Variants in JMJD1C observed in about 807,000 individuals in gnomAD.
JMJD1C encodes the protein jumonji domain containing 1C, also known as jumonji domain-containing protein 1C.
In JMJD1C, 31 loss-of-function variants were observed where a neutral mutation model predicts 245.3. The ratio of observed to expected loss-of-function variants is 0.13; its 90% CI spans 0.09 to 0.17. JMJD1C has a LOEUF of 0.17. Among genes scored for constraint, JMJD1C ranks in the 10% least tolerant of loss-of-function variants. The pLI, the probability that JMJD1C is intolerant of heterozygous loss-of-function variation, is 1.00. For missense variants in JMJD1C, 2,691 were observed against 3,000.2 expected (o/e 0.90, Z 2.41); for synonymous variants, 1,057 against 1,017.4 (o/e 1.04, Z -0.74).
chr10:63,511,569 G>C (rs1401893425), intron 1 of JMJD1C, among the ~76,000 whole-genome samples: 1 of 152,130 alleles, frequency 6.6e-6, no homozygotes, highest in Non-Finnish European at 1.5e-5. Context: ...AATTAGCCGG[G>C]CGCAGTGGCA....
intron 3 of JMJD1C, among the ~76,000 whole-genome samples, chr10:63,231,605 G>A (rs752450194): frequency 2.1e-4 from 32 of 151,992 alleles, no homozygotes; most frequent in Non-Finnish European, 4.3e-4. Flanking sequence ...ATCAGCCTGA[G>A]CAACATGGTG....
chr10:63,202,720 T>C (rs1846164735), intron 10 of JMJD1C: 1 of 985,310 alleles, frequency 1.0e-6, no homozygotes, highest in African/African-American at 1.7e-5. Context: ...TAAACCCATT[T>C]CCAGAAGACT....
At chr10:63,513,724 A>G (rs981347079) in intron 1 of JMJD1C, among the ~76,000 whole-genome samples, 2 of 152,100 alleles carry the variant, frequency 1.3e-5, no homozygotes, top group African/African-American at 2.4e-5. Context: ...CATCCTGGCT[A>G]ACACAGGGAA....
chr10:63,213,723 A>C lies in JMJD1C; in HGVS notation c.2444T>G (p.Leu815Arg), dbSNP rs1847638584. The C allele has an allele frequency of 6.2e-7, 1 of 1,614,194 alleles. No homozygotes were observed. Among genetic ancestry groups the C allele is most frequent in the Non-Finnish European group, 8.5e-7 (1 of 1,180,016 alleles). ...CAAGCTGCTGGCATGAGCACTCTCT[A>C]GTCGTGGGTGGCCACCAAGTAAGGA... Reference protein sequence around the residue: ...TASLLGGHPRLESAHASSLSH... With the variant: ...TASLLGGHPRRESAHASSLSH... The change falls in exon 8 of 26, where the codon CTA becomes CGA. Residue 815 changes from leucine to arginine, a missense_variant. Transcript: ENST00000399262.
intron 2 of JMJD1C, among the ~76,000 whole-genome samples, chr10:63,348,906 G>A (rs975426330): frequency 1.3e-5 from 2 of 151,890 alleles, no homozygotes; most frequent in Non-Finnish European, 2.9e-5. Flanking sequence ...TTTGGGATCA[G>A]CCTGGCCAAC....
intron 2 of JMJD1C, among the ~76,000 whole-genome samples, chr10:63,297,250 CT>C (rs1235041296): frequency 1.3e-5 from 2 of 152,320 alleles, no homozygotes; most frequent in East Asian, 3.9e-4. Context: ...AGAGAACTTC[CT>C]TGATGCCTTT....
In JMJD1C at chr10:63,314,498, T is replaced by C. The variant is rs752530144; in HGVS notation, c.334-49734A>G. On this transcript the variant is annotated intron_variant, in intron 2 of 25. Transcript: ENST00000399262. ...TCACCTGAGCAAGGGAAGTCGAGGC[T>C]ACAGCAAGCTGTGATCATGCCACTA... Among the ~76,000 whole-genome samples, 104 of 152,336 alleles carry C rather than the reference T, an allele frequency of 6.8e-4. 1 individual carries two copies. Among genetic ancestry groups the C allele is most frequent in the Non-Finnish European group, 1.0e-3 (70 of 68,028 alleles).
chr10:63,240,006 G>A (rs1339142330), intron 3 of JMJD1C, among the ~76,000 whole-genome samples: 2 of 151,996 alleles, frequency 1.3e-5, no homozygotes, highest in Admixed American at 6.5e-5. Context: ...TTATTACATT[G>A]TATATCACAC....
At chr10:63,472,128 TG>T (rs1554948824) in intron 1 of JMJD1C, among the ~76,000 whole-genome samples, 1 of 152,130 alleles carries the variant, frequency 6.6e-6, no homozygotes, top group Non-Finnish European at 1.5e-5. Context: ...AATAAACTTT[TG>T]AATTGACACT....
intron 1 of JMJD1C, among the ~76,000 whole-genome samples, chr10:63,385,148 A>G (rs1947488446): frequency 6.6e-6 from 1 of 152,144 alleles, no homozygotes; most frequent in Admixed American, 6.5e-5. Context: ...AGCAGTCAGA[A>G]CACACATAGT....
intron 14 of JMJD1C, among the ~76,000 whole-genome samples, chr10:63,193,917 T>C (rs1045018386): frequency 1.3e-5 from 2 of 152,210 alleles, no homozygotes; most frequent in African/African-American, 4.8e-5. Flanking sequence ...CCGCCGGCCT[T>C]GGCCTCCCAA....
At chr10:63,424,253 GAC>G (rs1950299089) in intron 1 of JMJD1C, among the ~76,000 whole-genome samples, 1 of 146,584 alleles carries the variant, frequency 6.8e-6, no homozygotes, top group Non-Finnish European at 1.5e-5. Context: ...TTTAAGTAGA[GAC>G]AGTGTCTCGC....
chr10:63,279,231 A>C (rs1857147515), intron 2 of JMJD1C, among the ~76,000 whole-genome samples: 1 of 152,174 alleles, frequency 6.6e-6, no homozygotes. Flanking sequence ...GCCTGGGCAA[A>C]AGAGCAAAAA....
intron 2 of JMJD1C, among the ~76,000 whole-genome samples, chr10:63,278,901 G>C (rs536121464): frequency 1.3e-5 from 2 of 151,558 alleles, no homozygotes; most frequent in South Asian, 4.2e-4. Flanking sequence ...ATTCATTTCT[G>C]GTCTTATATA....
intron 1 of JMJD1C, among the ~76,000 whole-genome samples, chr10:63,493,488 T>G (rs6479904): frequency 0.98 from 149,730 of 152,082 alleles, 73,748 homozygotes; most frequent in Middle Eastern, 1. Context: ...CACCATGTTG[T>G]CTAGGCTAGT....
At chr10:63,257,226 C>CA (rs71025139) in intron 3 of JMJD1C, among the ~76,000 whole-genome samples, 1,245 of 92,516 alleles carry the variant, frequency 0.013, 26 homozygotes, top group Admixed American at 0.044. Flanking sequence ...GACTTCATCT[C>CA]AAAAAAAAAA....
At chr10:63,521,026 G>C (rs1955202773) in intron 1 of JMJD1C, among the ~76,000 whole-genome samples, 2 of 152,194 alleles carry the variant, frequency 1.3e-5, no homozygotes, top group Non-Finnish European at 2.9e-5. Context: ...ATTGGACACC[G>C]AGTTCCTGCG....
In JMJD1C at chr10:63,332,132, C is replaced by T. The variant is rs909556132; in HGVS notation, c.333+48186G>A. On this transcript the variant is annotated intron_variant, in intron 2 of 25. Coordinates refer to ENST00000399262, the MANE Select transcript of JMJD1C (RefSeq NM_032776.3). ...ATTTACCCTAACTAAAAAACAAAACCAAACTCTATATTAACATTGACTAGA... is the reference window on the plus strand; with the variant it reads ...ATTTACCCTAACTAAAAAACAAAACTAAACTCTATATTAACATTGACTAGA... Among the ~76,000 whole-genome samples the T allele has an allele frequency of 2.0e-5, 3 of 152,048 alleles. No homozygotes were observed. The East Asian group carries it at 5.8e-4, about 29-fold the overall frequency.
chr10:63,261,399 G>A (rs1368728278), intron 3 of JMJD1C, among the ~76,000 whole-genome samples: 1 of 152,024 alleles, frequency 6.6e-6, no homozygotes, highest in East Asian at 1.9e-4. Flanking sequence ...TGGTCAACAT[G>A]GCGAAAACCC....
Sources: allele counts gnomAD v4.1 joint callset (sites outside exome capture counted in the v4.1 genomes callset), GRCh38; gene constraint gnomAD v4.1.1; transcripts MANE v1.5; gene names NCBI Gene and HGNC (gene_info 2026-07-23, HGNC 2026-07-21).